MYO10: variants seen among roughly 807,000 people sequenced by gnomAD.
MYO10 encodes the protein unconventional myosin-X.
In MYO10, 133 loss-of-function variants were observed where a neutral mutation model predicts 257.3. That is an observed-to-expected ratio of 0.52 (90% CI 0.45 to 0.60). MYO10 has a LOEUF of 0.60. MYO10 is among the 20% of genes least tolerant of loss of function. The pLI, the probability that MYO10 is intolerant of heterozygous loss-of-function variation, is 0.00. For missense variants in MYO10, 2,399 were observed against 2,635.7 expected (o/e 0.91, Z 1.97); for synonymous variants, 1,104 against 1,028.6 (o/e 1.07, Z -1.40).
chr5:16,840,996 T>A (rs980230330), intron 2 of MYO10, among the ~76,000 whole-genome samples: 1 of 151,550 alleles, frequency 6.6e-6, no homozygotes, highest in South Asian at 2.1e-4. Flanking sequence ...CAAAAAAAAA[T>A]TAGCCGGGCG....
chr5:16,924,449 C>G (rs1416113984), intron 1 of MYO10, among the ~76,000 whole-genome samples: 2 of 152,178 alleles, frequency 1.3e-5, no homozygotes, highest in Non-Finnish European at 2.9e-5. Flanking sequence ...GCCAGCTGCA[C>G]TGACACCTCT....
rs77383778 is a variant in MYO10, at chr5:16,843,757, G to GA, written c.121-25591dup. 9.9e-5 allele frequency among the ~76,000 whole-genome samples: 15 copies of GA among 151,756 alleles called. No individual in the cohort carries two copies. In the East Asian group the frequency reaches 1.4e-3, roughly 14 times the overall value. On this transcript the variant is annotated intron_variant, in intron 2 of 40. Transcript: ENST00000513610. ...AATATATAGTGATGGGTAAATTACA[G>GA]AAAAAAAAATTTTTTTGAAGGAATG...
intron 26 of MYO10, among the ~76,000 whole-genome samples, chr5:16,697,262 G>A (rs1031388023): frequency 6.0e-5 from 9 of 151,184 alleles, no homozygotes; most frequent in Non-Finnish European, 1.2e-4. Flanking sequence ...AGCAGGTGAA[G>A]CAAAAAAGGA....
intron 28 of MYO10, among the ~76,000 whole-genome samples, chr5:16,689,544 TA>T (rs1436866843): frequency 6.6e-6 from 1 of 151,998 alleles, no homozygotes; most frequent in Non-Finnish European, 1.5e-5. Flanking sequence ...TTACACACGC[TA>T]CCGGTGACAG....
intron 17 of MYO10, among the ~76,000 whole-genome samples, chr5:16,759,860 C>A (rs924635717): frequency 4.6e-5 from 7 of 152,158 alleles, no homozygotes; most frequent in African/African-American, 1.7e-4. Context: ...TGAACCCTCA[C>A]ATAGAAGAGT....
intron 1 of MYO10, among the ~76,000 whole-genome samples, chr5:16,919,519 C>A (rs1261515181): frequency 6.6e-6 from 1 of 152,186 alleles, no homozygotes; most frequent in African/African-American, 2.4e-5. Flanking sequence ...GACTACCTCC[C>A]TTCTCTAAGA....
At chr5:16,810,725 T>C (rs1221977614) in intron 3 of MYO10, among the ~76,000 whole-genome samples, 1 of 152,208 alleles carries the variant, frequency 6.6e-6, no homozygotes, top group Middle Eastern at 3.4e-3. Context: ...CAAAGAACTA[T>C]GATCACACCA....
At chr5:16,931,835 G>A (rs1046935555) in intron 1 of MYO10, among the ~76,000 whole-genome samples, 5 of 152,118 alleles carry the variant, frequency 3.3e-5, no homozygotes, top group Admixed American at 6.5e-5. Flanking sequence ...GAGACATATC[G>A]AGGGTGAGGA....
Position 16,671,542 on chromosome 5 carries a change from C to A in MYO10, c.5310G>T (p.Lys1770Asn). ...CCCCAACCTCGGATGTGGCAGCCAG[C>A]CTACAGAGAGGAGTCAAGAGAGGCT... Reference protein sequence around the residue: ...VVADVLAKFEKLAATSEVGDL... With the variant: ...VVADVLAKFENLAATSEVGDL... Residue 1770 changes from lysine to asparagine, a missense_variant and splice_region_variant, in exon 38 of 41, where the codon AAG (lysine) becomes AAT (asparagine). By Grantham distance (94) the Lys-to-Asn change is moderately conservative (BLOSUM62 0). Coordinates refer to ENST00000513610, the MANE Select transcript of MYO10 (RefSeq NM_012334.3). 6.2e-7 allele frequency: 1 copy of A among 1,613,892 alleles called. No homozygotes were observed. Among genetic ancestry groups the A allele is most frequent in the Non-Finnish European group, 8.5e-7 (1 of 1,179,832 alleles).
intron 29 of MYO10, among the ~76,000 whole-genome samples, chr5:16,685,413 T>C (rs939771003): frequency 6.6e-6 from 1 of 151,998 alleles, no homozygotes; most frequent in African/African-American, 2.4e-5. Context: ...TGTCTTGCTA[T>C]GTTTCTCAGG....
rs190451137 is a variant in MYO10, at chr5:16,881,645, A to C, written c.22-3938T>G. ...AGTATTAACTGGCAATTTTCATAGA[A>C]TCGGAATTGCAAAGTTAAACTGCTG... On this transcript the variant is annotated intron_variant, in intron 1 of 40. Coordinates refer to ENST00000513610, the MANE Select transcript of MYO10 (RefSeq NM_012334.3). Among the ~76,000 whole-genome samples the C allele has an allele frequency of 2.0e-4, 31 of 152,346 alleles. No individual in the cohort carries two copies. In the East Asian group the frequency reaches 5.8e-3, roughly 28 times the overall value.
rs1166840590 is a variant in MYO10, at chr5:16,710,890, T to C, written c.2169+18A>G. ...CTGTCAGGGATTCGGTGGGAGTTGC[T>C]CTTTCTCCGCATCGTACCTTGGTCT... is the stretch of plus-strand genomic sequence containing the variant. On this transcript the variant is annotated intron_variant, in intron 21 of 40. Transcript: ENST00000513610. 1 of 1,606,126 alleles carries C rather than the reference T, an allele frequency of 6.2e-7. No individual in the cohort carries two copies. The highest frequency in any genetic ancestry group is 8.5e-7 in the Non-Finnish European group (1 of 1,175,092).
At chr5:16,764,990 C>T (rs1284322579) in intron 11 of MYO10, among the ~76,000 whole-genome samples, 2 of 152,058 alleles carry the variant, frequency 1.3e-5, no homozygotes, top group African/African-American at 4.8e-5. Context: ...CACCTGGCAC[C>T]AGGTTTAAAA....
Position 16,918,897 on chromosome 5 carries a change from A to C in MYO10, c.21+16891T>G, listed in dbSNP as rs115224844. On this transcript the variant is annotated intron_variant, in intron 1 of 40. Transcript: ENST00000513610. The stretch of plus-strand genomic sequence containing the variant: ...GTGCAGTTGCTGTCATCACAAAAAG[A>C]AGCAGAAGGTCTATGTTTCTGCTTT... Among the ~76,000 whole-genome samples the C allele has an allele frequency of 3.1e-3, 468 of 152,290 alleles. 4 individuals carry two copies. Among genetic ancestry groups the C allele is most frequent in the African/African-American group, 8.3e-3 (346 of 41,558 alleles).
At chr5:16,780,900 T>C (rs552671980) in intron 6 of MYO10, among the ~76,000 whole-genome samples, 159 bp from the exon 7 acceptor site, 10 of 152,266 alleles carry the variant, frequency 6.6e-5, no homozygotes, top group African/African-American at 1.9e-4. Context: ...AAACAAAGTA[T>C]AGACTATTTC....
At chr5:16,816,414 T>C (rs1742610468) in intron 3 of MYO10, among the ~76,000 whole-genome samples, 2 of 150,918 alleles carry the variant, frequency 1.3e-5, no homozygotes. Context: ...CCCATAAATA[T>C]ATAATTCTTT....
At chr5:16,772,862 T>A (rs138498543) in intron 9 of MYO10, among the ~76,000 whole-genome samples, 86 of 152,210 alleles carry the variant, frequency 5.7e-4, no homozygotes, top group Non-Finnish European at 9.7e-4. Context: ...CTAAAGAAGA[T>A]AACCGTATAC....
At chr5:16,871,929 T>G (rs763280556) in intron 2 of MYO10, among the ~76,000 whole-genome samples, 1 of 152,212 alleles carries the variant, frequency 6.6e-6, no homozygotes, top group Non-Finnish European at 1.5e-5. Flanking sequence ...AACATAAAAC[T>G]AAGCATTCGA....
At chr5:16,791,113 CT>C (rs1343235331) in intron 4 of MYO10, among the ~76,000 whole-genome samples, 3 of 152,098 alleles carry the variant, frequency 2.0e-5, no homozygotes, top group Admixed American at 2.0e-4. Context: ...TCGATGTTCA[CT>C]TATAAAGCGA....
Sources: gnomAD v4.1 joint callset for allele counts (sites outside exome capture counted in the v4.1 genomes callset) on GRCh38, gnomAD v4.1.1 for gene constraint, MANE v1.5 for transcripts, NCBI Gene and HGNC (gene_info 2026-07-23, HGNC 2026-07-21) for gene names.